The following PON3 variants were observed in gnomAD, a reference collection of about 807,000 sequenced individuals.
The protein encoded by PON3 is paraoxonase 3, also known as serum paraoxonase/lactonase 3.
In PON3, 37 loss-of-function variants were observed where a neutral mutation model predicts 36.3. That is an observed-to-expected ratio of 1.02 (90% CI 0.78 to 1.34). The LOEUF (loss-of-function observed/expected upper bound fraction) is 1.34. Ranked by LOEUF, PON3 falls within the 40% of genes most tolerant of loss-of-function variation. PON3 has a pLI of 0.00. For synonymous variants in PON3, 155 were observed against 154.8 expected, an observed-to-expected ratio of 1.00 and a Z score of -0.01; for missense variants, 415 against 426.5, an observed-to-expected ratio of 0.97 and a Z score of 0.24.
rs144234023 is a variant in PON3, at chr7:95,395,364, A to G, written c.75-650T>C. On this transcript the variant is annotated intron_variant, in intron 1 of 8. Coordinates refer to ENST00000265627, the MANE Select transcript of PON3 (RefSeq NM_000940.3). ...AAAATTTTTATTAAAGTATATTCAG[A>G]AAGACTCAATACTTATCTTACAGTC... 4.2e-3 allele frequency among the ~76,000 whole-genome samples: 638 copies of G among 152,326 alleles called. 8 individuals carry two copies. Among genetic ancestry groups the G allele is most frequent in the African/African-American group, 0.014 (595 of 41,570 alleles).
intron 2 of PON3, 131 bp from the exon 3 acceptor site, chr7:95,390,340 G>A: frequency 1.2e-6 from 1 of 803,654 alleles, no homozygotes; most frequent in Non-Finnish European, 2.2e-6. Context: ...ATTTACTTGG[G>A]AAACCATATT....
In PON3 at chr7:95,390,180, G is replaced by A. The variant is rs374239451; in HGVS notation, c.175C>T (p.Pro59Ser). The A allele has an allele frequency of 7.4e-6, 12 of 1,611,878 alleles. No individual in the cohort carries two copies. The African/African-American group carries it at 1.6e-4, about 22-fold the overall frequency. Residue 59 changes from proline to serine, a missense_variant, in exon 3 of 9, where the codon CCT becomes TCT. Transcript: ENST00000265627. ...ESGSEDIDIL[P>S]SGLAFISSGL... Reference sequence around the variant, plus strand: ...CTGGAGATAAAAGCCAGCCCACTAGGAAGTATATCAATATCTTCAGAGCCA... The same window carrying A: ...CTGGAGATAAAAGCCAGCCCACTAGAAAGTATATCAATATCTTCAGAGCCA...
At chr7:95,367,671 G>A (rs2116383417) in intron 4 of PON3, among the ~76,000 whole-genome samples, 183 bp from the exon 5 acceptor site, 1 of 152,302 alleles carries the variant, frequency 6.6e-6, no homozygotes, top group African/African-American at 2.4e-5. Flanking sequence ...GGAAATTGAA[G>A]CTCAGGAGGC....
chr7:95,371,939 A>G (rs1341196018), intron 4 of PON3, among the ~76,000 whole-genome samples: 1 of 152,192 alleles, frequency 6.6e-6, no homozygotes, highest in African/African-American at 2.4e-5. Flanking sequence ...CAGTCAAACA[A>G]GAAGACAAGT....
In PON3 at chr7:95,390,071, T is replaced by C; in HGVS notation, c.201+83A>G. ...GGTGGGATGAGAGCATAGGGATCCA[T>C]CTGGCAGCTCCAGAGGACAACATTA... On this transcript the variant is annotated intron_variant, in intron 3 of 8. Coordinates refer to ENST00000265627, the MANE Select transcript of PON3 (RefSeq NM_000940.3). 5.1e-6 allele frequency: 7 copies of C among 1,376,996 alleles called. No individual in the cohort carries two copies. In the South Asian group the frequency reaches 5.8e-5, roughly 11 times the overall value. The allele number at this position is 1,376,996 out of a possible 1,614,324, so 85.3% of individuals were successfully genotyped here.
chr7:95,363,784 G>A, intron 6 of PON3, 79 bp downstream of exon 6: 1 of 1,367,002 alleles, frequency 7.3e-7, no homozygotes, highest in Non-Finnish European at 1.0e-6. Flanking sequence ...GCCTAAGTAA[G>A]GAAGTAACTT....
At chr7:95,376,841 C>G (rs550182902) in intron 3 of PON3, among the ~76,000 whole-genome samples, 218 of 152,300 alleles carry the variant, frequency 1.4e-3, no homozygotes, top group African/African-American at 4.9e-3. Flanking sequence ...ACACAGAAGA[C>G]AGGTGATTTC....
At chr7:95,379,701 T>TCAGGAAGCTCGAA (rs1809001417) in intron 3 of PON3, among the ~76,000 whole-genome samples, 1 of 152,096 alleles carries the variant, frequency 6.6e-6, no homozygotes, top group African/African-American at 2.4e-5. Context: ...AACAAAGTGG[T>TCAGGAAGCTCGAA]CAGGAAGCTC....
chr7:95,374,429 C>T lies in PON3; in HGVS notation c.202-2091G>A, dbSNP rs578141133. ...TAGGGTCTGTCTCTAGAGATTACAC[C>T]CTCTCTCTCTTGCTTTACCACTCAT... is the stretch of plus-strand genomic sequence containing the variant. On this transcript the variant is annotated intron_variant, in intron 3 of 8. Transcript: ENST00000265627. 1.8e-3 allele frequency among the ~76,000 whole-genome samples: 271 copies of T among 152,068 alleles called. 1 individual carries two copies. Among genetic ancestry groups the T allele is most frequent in the Admixed American group, 3.2e-3 (49 of 15,266 alleles).
rs1808638257 is a variant in PON3, at chr7:95,364,055, T to C, written c.503A>G (p.Asp168Gly). 6.2e-7 allele frequency: 1 copy of C among 1,613,576 alleles called. No homozygotes were observed. The highest frequency in any genetic ancestry group is 8.5e-7 in the Non-Finnish European group (1 of 1,179,514). ...IKHELLKSVN[D>G]IVVLGPEQFY... The stretch of plus-strand genomic sequence containing the variant: ...CTGTTCTGGTCCAAGAACCACAATG[T>C]CATTCACACTAAAGTGAAAGGGAGG... The change falls in exon 6 of 9, where the codon GAC (aspartate) becomes GGC (glycine). Residue 168 changes from aspartate to glycine, a missense_variant. Physicochemically the swap from Asp to Gly is moderately conservative, Grantham distance 94. Coordinates refer to ENST00000265627, the MANE Select transcript of PON3 (RefSeq NM_000940.3).
chr7:95,372,219 G>C lies in PON3; in HGVS notation c.321C>G (p.Asp107Glu). Residue 107 changes from aspartate (D) to glutamate (E), a missense_variant, in exon 4 of 9, where the codon GAC becomes GAG. Physicochemically the swap from Asp to Glu is conservative, Grantham distance 45. Transcript: ENST00000265627. ...TCCCATGTGGATTAAATAATTCTTT[G>C]TCAAATCCACCACTGATTTCTAGCG... ...AQALEISGGF[D>E]KELFNPHGIS... 6.2e-7 allele frequency: 1 copy of C among 1,613,610 alleles called. No individual in the cohort carries two copies.
intron 5 of PON3, 58 bp from the exon 6 acceptor site, chr7:95,364,121 C>T: frequency 7.2e-7 from 1 of 1,392,002 alleles, no homozygotes. Context: ...ATCCTTTATC[C>T]TTGTCAAAAT....
intron 4 of PON3, 143 bp downstream of exon 4, chr7:95,372,030 T>C (rs930523225): frequency 3.0e-5 from 31 of 1,029,262 alleles, no homozygotes; most frequent in Non-Finnish European, 4.5e-5. Context: ...CAAGGTTTTA[T>C]ACCTATTTAT....
At chr7:95,373,078 G>A (rs1808844454) in intron 3 of PON3, among the ~76,000 whole-genome samples, 2 of 152,012 alleles carry the variant, frequency 1.3e-5, no homozygotes, top group Admixed American at 1.3e-4. Context: ...CAAACCTTGG[G>A]GTTGGTTTAT....
chr7:95,370,303 G>C (rs17882411), intron 4 of PON3, among the ~76,000 whole-genome samples: 1,578 of 152,262 alleles, frequency 0.01, 10 homozygotes, highest in Middle Eastern at 0.017. Flanking sequence ...GCATGCTGGG[G>C]CCTTGAACTG....
At chr7:95,396,175 G>T in intron 1 of PON3, 102 bp downstream of exon 1, 1 of 1,276,816 alleles carries the variant, frequency 7.8e-7, no homozygotes, top group Non-Finnish European at 1.1e-6. Flanking sequence ...TTCCAAAGCT[G>T]CTCTTTCCTA....
intron 4 of PON3, among the ~76,000 whole-genome samples, chr7:95,370,396 T>C (rs1486753915): frequency 1.3e-5 from 2 of 152,088 alleles, no homozygotes; most frequent in Non-Finnish European, 2.9e-5. Flanking sequence ...CAAAACATTA[T>C]AATGAGTTGA....
At chr7:95,390,650 AGCCTAAAAC>A (rs1809297785) in intron 2 of PON3, among the ~76,000 whole-genome samples, 1 of 152,200 alleles carries the variant, frequency 6.6e-6, no homozygotes. Flanking sequence ...TCCAACGTAA[AGCCTAAAAC>A]GCTACATTAT....
intron 4 of PON3, among the ~76,000 whole-genome samples, chr7:95,368,200 T>C (rs1808738212): frequency 6.6e-6 from 1 of 152,148 alleles, no homozygotes; most frequent in Non-Finnish European, 1.5e-5. Context: ...GAGTTCTAGG[T>C]TTGATGAGCT....
Sources: allele counts gnomAD v4.1 joint callset (sites outside exome capture counted in the v4.1 genomes callset), GRCh38; gene constraint gnomAD v4.1.1; transcripts MANE v1.5; gene names NCBI Gene and HGNC (gene_info 2026-07-23, HGNC 2026-07-21).